The following CCDC171 variants were observed in gnomAD, a reference collection of about 807,000 sequenced individuals.
CCDC171 encodes coiled-coil domain containing 171, also known as coiled-coil domain-containing protein 171.
In CCDC171, 177 loss-of-function variants were observed where a neutral mutation model predicts 168.2. The ratio of observed to expected loss-of-function variants is 1.05; its 90% CI spans 0.93 to 1.19. CCDC171 has a LOEUF of 1.19. Ranked by LOEUF, CCDC171 falls within the 50% of genes most tolerant of loss-of-function variation. CCDC171 has a pLI of 0.00. For missense variants in CCDC171, 1,991 were observed against 1,539.0 expected, an observed-to-expected ratio of 1.29 and a Z score of -4.91; for synonymous variants, 687 against 540.8, an observed-to-expected ratio of 1.27 and a Z score of -3.75.
intron 11 of CCDC171, among the ~76,000 whole-genome samples, chr9:15,717,990 G>C (rs751629877): frequency 6.6e-4 from 100 of 152,212 alleles, no homozygotes; most frequent in Non-Finnish European, 1.2e-3. Context: ...TTGCAGCTAA[G>C]TTAGCTTGGC....
intron 25 of CCDC171, among the ~76,000 whole-genome samples, chr9:15,965,728 A>C (rs1830728888): frequency 6.6e-6 from 1 of 151,974 alleles, no homozygotes; most frequent in Non-Finnish European, 1.5e-5. Context: ...ATATTATTCC[A>C]TTTAATCCTC....
intron 1 of CCDC171, among the ~76,000 whole-genome samples, chr9:16,053,578 C>T (rs1199486366): frequency 6.6e-6 from 1 of 152,246 alleles, no homozygotes; most frequent in Non-Finnish European, 1.5e-5. Flanking sequence ...TTTCTCTCAT[C>T]TCCTGCTCCC....
At chr9:15,839,592 A>G (rs1009350028) in intron 21 of CCDC171, among the ~76,000 whole-genome samples, 25 of 152,336 alleles carry the variant, frequency 1.6e-4, no homozygotes, top group African/African-American at 6.0e-4. Flanking sequence ...TAATTATAAT[A>G]TGCTTGAGTT....
At chr9:15,953,159 G>C (rs1308556002) in intron 25 of CCDC171, among the ~76,000 whole-genome samples, 1 of 152,028 alleles carries the variant, frequency 6.6e-6, no homozygotes, top group East Asian at 1.9e-4. Flanking sequence ...TTTCCAATCT[G>C]AGTGCCTTTT....
At chr9:15,654,047 A>C (rs1049715007) in intron 7 of CCDC171, among the ~76,000 whole-genome samples, 1 of 152,186 alleles carries the variant, frequency 6.6e-6, no homozygotes, top group Non-Finnish European at 1.5e-5. Context: ...GTGAATATTT[A>C]CTAGTTTCAC....
At chr9:15,592,154 A>G (rs1220713678) in intron 5 of CCDC171, among the ~76,000 whole-genome samples, 2 of 140,108 alleles carry the variant, frequency 1.4e-5, no homozygotes, top group African/African-American at 6.5e-5. Flanking sequence ...AACAGTTTAA[A>G]TGAAAAAAAA....
chr9:15,558,024 A>C (rs2038956489), intron 1 of CCDC171, among the ~76,000 whole-genome samples: 1 of 152,138 alleles, frequency 6.6e-6, no homozygotes, highest in East Asian at 1.9e-4. Flanking sequence ...GGTTCTGTTT[A>C]TGTGATGGAT....
the CCDC171 span, among the ~76,000 whole-genome samples, chr9:16,092,422 G>T: frequency 6.6e-6 from 1 of 152,136 alleles, no homozygotes; most frequent in Non-Finnish European, 1.5e-5. Flanking sequence ...GCTGAGATGC[G>T]CTGGTCTGCC....
At chr9:15,987,922 G>A (rs1832047314) in intron 3 of CCDC171, among the ~76,000 whole-genome samples, 1 of 152,148 alleles carries the variant, frequency 6.6e-6, no homozygotes, top group African/African-American at 2.4e-5. Context: ...GAAACAGTTT[G>A]TGTACACTGA....
At chr9:15,719,111 C>T (rs1005363915) in intron 11 of CCDC171, among the ~76,000 whole-genome samples, 1 of 151,500 alleles carries the variant, frequency 6.6e-6, no homozygotes, top group Non-Finnish European at 1.5e-5. Flanking sequence ...ATTCAAAATC[C>T]TATCAGATAA....
intron 6 of CCDC171, among the ~76,000 whole-genome samples, chr9:15,610,454 A>AAAAAAAAAAAAAC (rs2043580898): frequency 8.3e-6 from 1 of 120,612 alleles, no homozygotes; most frequent in East Asian, 2.7e-4. Context: ...TAAAAAAAAA[A>AAAAAAAAAAAAAC]AAAAAAAAAA....
chr9:15,668,545 TA>T (rs2048890032), intron 9 of CCDC171, among the ~76,000 whole-genome samples: 1 of 152,116 alleles, frequency 6.6e-6, no homozygotes, highest in African/African-American at 2.4e-5. Context: ...ATAACTGTCA[TA>T]ATAATACAAG....
chr9:15,946,860 A>C (rs1338989371), intron 25 of CCDC171, among the ~76,000 whole-genome samples: 2 of 152,048 alleles, frequency 1.3e-5, no homozygotes, highest in African/African-American at 4.8e-5. Context: ...TTGTTTAGTT[A>C]GGTTTCAAGA....
At chr9:15,822,249 A>G (rs150853125) in intron 21 of CCDC171, among the ~76,000 whole-genome samples, 150 of 152,252 alleles carry the variant, frequency 9.9e-4, no homozygotes, top group African/African-American at 3.5e-3. Flanking sequence ...AACCTAGGCA[A>G]TACCATTCAG....
intron 1 of CCDC171, among the ~76,000 whole-genome samples, chr9:15,561,043 A>G (rs974238547): frequency 6.6e-6 from 1 of 152,192 alleles, no homozygotes; most frequent in Non-Finnish European, 1.5e-5. Flanking sequence ...TTGGAAATGC[A>G]GAAATCATTC....
chr9:15,830,515 A>C (rs1256081662), intron 21 of CCDC171, among the ~76,000 whole-genome samples: 2 of 152,218 alleles, frequency 1.3e-5, no homozygotes, highest in African/African-American at 4.8e-5. Context: ...AATTGATTCT[A>C]ATGATAGTAA....
chr9:16,069,241 G>T, the CCDC171 span, among the ~76,000 whole-genome samples: 1 of 152,230 alleles, frequency 6.6e-6, no homozygotes, highest in Admixed American at 6.5e-5. Context: ...TGAGTGGCTT[G>T]GTATATGTGT....
At position 15,706,915 on chromosome 9, in the gene CCDC171, C is replaced by G. The variant is rs1482107765; in HGVS notation, c.1318+11578C>G. Among the ~76,000 whole-genome samples the G allele has an allele frequency of 3.9e-5, 6 of 152,230 alleles. No homozygotes were observed. In the East Asian group the frequency reaches 9.6e-4, roughly 24 times the overall value. On this transcript the variant is annotated intron_variant, in intron 11 of 25. Coordinates refer to ENST00000380701, the MANE Select transcript of CCDC171 (RefSeq NM_173550.4). ...ATGTGTCACCCAGGAATTGGGCAGT[C>G]TCAGGGAGTGCTCTTGGGAAAATCA...
At chr9:16,038,367 G>T (rs1833510935), upstream of CCDC171, among the ~76,000 whole-genome samples, 1 of 152,080 alleles carries the variant, frequency 6.6e-6, no homozygotes, top group Non-Finnish European at 1.5e-5. Context: ...TAATAATCTT[G>T]ACAGATTTTA....
Sources: gnomAD v4.1 joint callset for allele counts (sites outside exome capture counted in the v4.1 genomes callset) on GRCh38, gnomAD v4.1.1 for gene constraint, MANE v1.5 for transcripts, NCBI Gene and HGNC (gene_info 2026-07-23, HGNC 2026-07-21) for gene names.